Variants in RAPGEF6 observed in about 807,000 individuals in gnomAD.
RAPGEF6 encodes Rap guanine nucleotide exchange factor 6, also known as PDZ domain containing guanine nucleotide exchange factor (GEF) 2.
A neutral mutation model predicts 171.4 loss-of-function variants in RAPGEF6; 56 were observed. The ratio of observed to expected loss-of-function variants is 0.33; its 90% CI spans 0.26 to 0.41. The LOEUF (loss-of-function observed/expected upper bound fraction) is 0.41, where lower values mean the gene tolerates loss of function less well. Among genes scored for constraint, RAPGEF6 ranks in the 10% least tolerant of loss-of-function variants. RAPGEF6 has a pLI of 1.00. For missense variants in RAPGEF6, 1,674 were observed against 1,921.4 expected, an observed-to-expected ratio of 0.87 and a Z score of 2.41; for synonymous variants, 692 against 650.1, an observed-to-expected ratio of 1.06 and a Z score of -0.98.
chr5:131,459,099 C>T (rs1753721593), intron 19 of RAPGEF6, among the ~76,000 whole-genome samples: 2 of 152,076 alleles, frequency 1.3e-5, no homozygotes, highest in African/African-American at 2.4e-5. Context: ...CCTATTTTAC[C>T]ACTTCAGCAA....
intron 21 of RAPGEF6, among the ~76,000 whole-genome samples, chr5:131,451,257 C>T (rs1346400716): frequency 1.3e-5 from 2 of 151,950 alleles, no homozygotes; most frequent in Non-Finnish European, 2.9e-5. Flanking sequence ...ATCTCTAAAC[C>T]AGAGAAACCA....
chr5:131,550,842 A>G (rs999592752), intron 5 of RAPGEF6, among the ~76,000 whole-genome samples: 5 of 152,140 alleles, frequency 3.3e-5, no homozygotes, highest in African/African-American at 1.2e-4. Context: ...TTGCCAGCAT[A>G]TTGGCCTCCT....
At chr5:131,550,140 C>A (rs1208121389) in intron 5 of RAPGEF6, among the ~76,000 whole-genome samples, 1 of 152,110 alleles carries the variant, frequency 6.6e-6, no homozygotes, top group African/African-American at 2.4e-5. Context: ...TTACCACCTC[C>A]CCTTAATTTA....
At chr5:131,575,564 G>A (rs150846780) in intron 4 of RAPGEF6, among the ~76,000 whole-genome samples, 7 of 152,228 alleles carry the variant, frequency 4.6e-5, no homozygotes, top group African/African-American at 1.2e-4. Flanking sequence ...CTTCCTAGGC[G>A]TGGTTGCACA....
intron 11 of RAPGEF6, among the ~76,000 whole-genome samples, chr5:131,499,489 C>A (rs565753413): frequency 7.1e-6 from 1 of 140,768 alleles, no homozygotes; most frequent in African/African-American, 2.7e-5. Context: ...GGTGAGGCAG[C>A]AGAATTGCTT....
At chr5:131,563,938 A>G (rs1376672580) in intron 4 of RAPGEF6, among the ~76,000 whole-genome samples, 5 of 152,154 alleles carry the variant, frequency 3.3e-5, no homozygotes, top group Admixed American at 6.6e-5. Flanking sequence ...GACTGGGTTT[A>G]CTCTCCCACC....
At chr5:131,447,844 A>G (rs912138432) in intron 21 of RAPGEF6, among the ~76,000 whole-genome samples, 2 of 152,198 alleles carry the variant, frequency 1.3e-5, no homozygotes, top group African/African-American at 4.8e-5. Context: ...TATATCTTAC[A>G]CTGAATGGCA....
At chr5:131,499,529 G>A (rs558431813) in intron 11 of RAPGEF6, among the ~76,000 whole-genome samples, 30 of 145,966 alleles carry the variant, frequency 2.1e-4, no homozygotes, top group Admixed American at 8.3e-4. Flanking sequence ...TGCAGAGAGC[G>A]GAGATCATGC....
chr5:131,453,853 G>A (rs983371738), intron 20 of RAPGEF6, among the ~76,000 whole-genome samples: 1 of 152,142 alleles, frequency 6.6e-6, no homozygotes, highest in Non-Finnish European at 1.5e-5. Flanking sequence ...ATACTCTCAA[G>A]TTATATAAAC....
At position 131,431,956 on chromosome 5, in the gene RAPGEF6, C is replaced by A. The variant is rs980041325; in HGVS notation, c.3975-607G>T. Among the ~76,000 whole-genome samples, 12 of 152,246 alleles carry A rather than the reference C, an allele frequency of 7.9e-5. No individual in the cohort carries two copies. In the East Asian group the frequency reaches 2.3e-3, roughly 29 times the overall value. On this transcript the variant is annotated intron_variant, in intron 25 of 27. Coordinates refer to ENST00000509018, the MANE Select transcript of RAPGEF6 (RefSeq NM_016340.6). ...TCATGTTTTATTTTTCAACGTACCT[C>A]TGAGGTTAGCCCAGTACAGTGCCAA...
intron 11 of RAPGEF6, among the ~76,000 whole-genome samples, chr5:131,501,921 T>C (rs895278066): frequency 1.2e-4 from 18 of 152,166 alleles, no homozygotes; most frequent in African/African-American, 4.1e-4. Context: ...CTAGCTCTGA[T>C]GAAAGACTCT....
At chr5:131,587,099 T>C (rs983990054) in intron 4 of RAPGEF6, among the ~76,000 whole-genome samples, 1 of 152,206 alleles carries the variant, frequency 6.6e-6, no homozygotes, top group African/African-American at 2.4e-5. Flanking sequence ...GTTTCCCCTT[T>C]TTCCTTTTTG....
At chr5:131,555,644 T>A (rs566807193) in intron 5 of RAPGEF6, among the ~76,000 whole-genome samples, 1 of 152,146 alleles carries the variant, frequency 6.6e-6, no homozygotes, top group East Asian at 1.9e-4. Context: ...ATATTACCTA[T>A]ACATATATAA....
At chr5:131,558,917 A>G (rs1011576644) in intron 5 of RAPGEF6, among the ~76,000 whole-genome samples, 9 of 152,176 alleles carry the variant, frequency 5.9e-5, no homozygotes, top group Admixed American at 2.0e-4. Flanking sequence ...TCTGTTGTTG[A>G]TAAGTGTAGT....
At chr5:131,454,101 T>C (rs1753308782) in intron 20 of RAPGEF6, among the ~76,000 whole-genome samples, 1 of 152,060 alleles carries the variant, frequency 6.6e-6, no homozygotes, top group South Asian at 2.1e-4. Flanking sequence ...AAAAACCGAG[T>C]ACAGACACCC....
Position 131,436,428 on chromosome 5 carries a change from C to T in RAPGEF6, c.3746-2770G>A, listed in dbSNP as rs557219023. On this transcript the variant is annotated intron_variant, in intron 24 of 27. Transcript: ENST00000509018. ...CCCTGACATGGTCAATCACAATTAGCCTTGTTTACATAATATTTCACTATT... is the reference window on the plus strand; with the variant it reads ...CCCTGACATGGTCAATCACAATTAGTCTTGTTTACATAATATTTCACTATT... The T allele has an allele frequency of 4.5e-5, 64 of 1,426,598 alleles. No individual in the cohort carries two copies. The African/African-American group carries it at 8.5e-4, about 19-fold the overall frequency. 88.4% of individuals were successfully genotyped at this position (1,426,598 alleles called of 1,614,324 possible).
chr5:131,463,337 G>C (rs1019891124), intron 18 of RAPGEF6, among the ~76,000 whole-genome samples: 2 of 152,272 alleles, frequency 1.3e-5, no homozygotes, highest in Admixed American at 6.5e-5. Context: ...CCAGCACTTT[G>C]GGAGGCTGAG....
intron 8 of RAPGEF6, 97 bp downstream of exon 8, chr5:131,510,217 A>C: frequency 8.0e-7 from 1 of 1,250,554 alleles, no homozygotes; most frequent in Non-Finnish European, 1.1e-6. Flanking sequence ...TTAACACAAC[A>C]CACATTTATT....
chr5:131,628,860 T>C lies in RAPGEF6; in HGVS notation c.69+6102A>G, dbSNP rs563453604. ...CAGCACGTTTGTTTACAGTATGGGTTAATGAATATTTTAAGTCCACTGATG... is the reference window on the plus strand; with the variant it reads ...CAGCACGTTTGTTTACAGTATGGGTCAATGAATATTTTAAGTCCACTGATG... On this transcript the variant is annotated intron_variant, in intron 1 of 27. Coordinates refer to ENST00000509018, the MANE Select transcript of RAPGEF6 (RefSeq NM_016340.6). Among the ~76,000 whole-genome samples, 82 of 152,352 alleles carry C rather than the reference T, an allele frequency of 5.4e-4. 1 individual carries two copies. The highest frequency in any genetic ancestry group is 5.6e-4 in the Non-Finnish European group (38 of 68,032).
Sources: gnomAD v4.1 joint callset for allele counts (sites outside exome capture counted in the v4.1 genomes callset) on GRCh38, gnomAD v4.1.1 for gene constraint, MANE v1.5 for transcripts, NCBI Gene and HGNC (gene_info 2026-07-23, HGNC 2026-07-21) for gene names.